The following ZNF37A variants were observed in gnomAD, a reference collection of about 807,000 sequenced individuals.
ZNF37A encodes the protein zinc finger protein 37a (KOX 21).
ZNF37A carries 10 observed loss-of-function variants against 12.3 expected under a neutral mutation model. The ratio of observed to expected loss-of-function variants is 0.82; its 90% CI spans 0.50 to 1.38. ZNF37A has a LOEUF of 1.38. Among genes scored for constraint, ZNF37A ranks in the 40% most tolerant of loss-of-function variants. The pLI, the probability that ZNF37A is intolerant of heterozygous loss-of-function variation, is 0.00. For missense variants in ZNF37A, 580 were observed against 651.2 expected (o/e 0.89, Z 1.19); for synonymous variants, 207 against 223.0 (o/e 0.93, Z 0.64).
rs2069778768 is a variant in ZNF37A, at chr10:38,122,706, T to G, written c.*3869T>G. The G allele has an allele frequency of 6.6e-6, 1 of 152,120 alleles. No individual in the cohort carries two copies. Among genetic ancestry groups the G allele is most frequent in the South Asian group, 2.1e-4 (1 of 4,822 alleles). 9.4% of individuals were successfully genotyped at this position (152,120 alleles called of 1,614,324 possible). ...TAATTAAAAAGTTAAATCTAAGACC[T>G]CAAACTATGAAACAGCTAAAAGAAA... On this transcript the variant is annotated 3_prime_UTR_variant, in exon 8 of 8. Transcript: ENST00000685332.
intron 5 of ZNF37A, among the ~76,000 whole-genome samples, chr10:38,105,812 A>AT (rs1246683356): frequency 2.0e-5 from 3 of 151,998 alleles, no homozygotes; most frequent in African/African-American, 2.4e-5. Flanking sequence ...TTGTTGGAGT[A>AT]TTTTTTTTAA....
In ZNF37A at chr10:38,119,135, A is replaced by C. The variant is rs530549658; in HGVS notation, c.*298A>C. The stretch of plus-strand genomic sequence containing the variant: ...ATTCACACGGGGTGAAACCTGGGTC[A>C]GCATCCCTAGGTTGAGAAGGGATGC... On this transcript the variant is annotated 3_prime_UTR_variant, in exon 8 of 8. Coordinates refer to ENST00000685332, the MANE Select transcript of ZNF37A (RefSeq NM_001324250.3). 9.3e-7 allele frequency: 1 copy of C among 1,071,974 alleles called. No individual in the cohort carries two copies. Among genetic ancestry groups the C allele is most frequent in the East Asian group, 6.9e-5 (1 of 14,472 alleles). 66.4% of individuals were successfully genotyped at this position (1,071,974 alleles called of 1,614,324 possible).
rs1491288789 is a variant in ZNF37A at position 38,115,115 on chromosome 10, G to GTC, written c.143-79_143-78insCT. 21 of 1,054,140 alleles carry GTC rather than the reference G, an allele frequency of 2.0e-5. No individual in the cohort carries two copies. The African/African-American group carries it at 3.7e-4, about 19-fold the overall frequency. 65.3% of individuals were successfully genotyped at this position (1,054,140 alleles called of 1,614,324 possible). On this transcript the variant is annotated intron_variant, in intron 6 of 7. Coordinates refer to ENST00000685332, the MANE Select transcript of ZNF37A (RefSeq NM_001324250.3). Reference sequence around the variant, plus strand: ...TGTGTGTGTGTGTGTGTGTGTGTGTGTACTGTTTGGGGTATACTGTCTTCC... The same window carrying GTC: ...TGTGTGTGTGTGTGTGTGTGTGTGTGTCTACTGTTTGGGGTATACTGTCTTCC...
At chr10:38,097,092 A>G (rs552271130) in intron 5 of ZNF37A, among the ~76,000 whole-genome samples, 1 of 152,346 alleles carries the variant, frequency 6.6e-6, no homozygotes, top group East Asian at 1.9e-4. Flanking sequence ...ATGTAAGTGA[A>G]TGCAGATCTT....
At chr10:38,128,799 G>A (rs1267639140), downstream of ZNF37A, among the ~76,000 whole-genome samples, 1 of 152,148 alleles carries the variant, frequency 6.6e-6, no homozygotes, top group Non-Finnish European at 1.5e-5. Context: ...TATCGCCCAG[G>A]CTGGAGTGCA....
chr10:38,103,861 A>T (rs2135911647), intron 5 of ZNF37A, among the ~76,000 whole-genome samples: 1 of 152,352 alleles, frequency 6.6e-6, no homozygotes, highest in South Asian at 2.1e-4. Flanking sequence ...AAAACAAAAC[A>T]AAAAACTCTT....
At chr10:38,126,980 A>G (rs74461088), downstream of ZNF37A, among the ~76,000 whole-genome samples, 1,991 of 152,252 alleles carry the variant, frequency 0.013, 43 homozygotes, top group African/African-American at 0.045. Flanking sequence ...AAAAACTTGG[A>G]CTTGTAGGGA....
intron 5 of ZNF37A, among the ~76,000 whole-genome samples, chr10:38,100,725 T>G (rs762353808): frequency 7.2e-5 from 11 of 152,200 alleles, no homozygotes; most frequent in Non-Finnish European, 1.5e-4. Context: ...AATTATCACA[T>G]GGTCCTCAGG....
At position 38,117,595 on chromosome 10, in the gene ZNF37A, C is replaced by T; in HGVS notation, c.444C>T (p.Tyr148=). The T allele has an allele frequency of 6.2e-7, 1 of 1,613,786 alleles. No homozygotes were observed. Among genetic ancestry groups the T allele is most frequent in the Non-Finnish European group, 8.5e-7 (1 of 1,179,930 alleles). The part of the protein sequence containing the change: ...KIKNWEQSFE[Y]NECGKAFPEN... ...AAAATTGGGAACAATCTTTTGAATA[C>T]AATGAATGTGGGAAAGCTTTCCCTG... Residue 148 remains tyrosine, a synonymous_variant, in exon 8 of 8, where the codon TAC becomes TAT. Coordinates refer to ENST00000685332, the MANE Select transcript of ZNF37A (RefSeq NM_001324250.3).
intron 5 of ZNF37A, among the ~76,000 whole-genome samples, chr10:38,106,412 A>C (rs974416984): frequency 6.6e-6 from 1 of 152,188 alleles, no homozygotes; most frequent in African/African-American, 2.4e-5. Context: ...AAGGCTGAAA[A>C]TTCCAAAAAC....
chr10:38,130,331 T>C (rs2070005144), downstream of ZNF37A, among the ~76,000 whole-genome samples: 1 of 152,240 alleles, frequency 6.6e-6, no homozygotes. Context: ...GATGTGCCTG[T>C]GTACAGTGAT....
At chr10:38,097,583 CAAAAAAAAAAAAAA>C (rs71007695) in intron 5 of ZNF37A, among the ~76,000 whole-genome samples, 28 of 61,942 alleles carry the variant, frequency 4.5e-4, no homozygotes, top group African/African-American at 8.9e-4. Flanking sequence ...GACTCTGTCT[CAAAAAAAAAAAAAA>C]AAAAAAAAAA....
exon 8 of ZNF37A, chr10:38,147,345 G>C (rs527755049): frequency 6.6e-6 from 1 of 152,186 alleles, no homozygotes; most frequent in African/African-American, 2.4e-5. Flanking sequence ...TTAAACCATC[G>C]TTTGGGTTTG....
rs1157197540 is a variant in ZNF37A, at chr10:38,117,562, G to A, written c.411G>A (p.Gln137=). The A allele has an allele frequency of 6.2e-7, 1 of 1,613,222 alleles. No individual in the cohort carries two copies. Among genetic ancestry groups the A allele is most frequent in the Non-Finnish European group, 8.5e-7 (1 of 1,179,798 alleles). ...FWLNEDLIWH[Q]KIKNWEQSFE... ...TGAATGAAGACCTCATTTGGCATCA[G>A]AAAATTAAAAATTGGGAACAATCTT... The change falls in exon 8 of 8, where the codon CAG becomes CAA. Residue 137 remains glutamine (Q), a synonymous_variant. Transcript: ENST00000685332.
chr10:38,098,570 A>AT (rs1247419602), intron 5 of ZNF37A, among the ~76,000 whole-genome samples: 1 of 152,036 alleles, frequency 6.6e-6, no homozygotes, highest in Admixed American at 6.6e-5. Flanking sequence ...TGAATGTAAG[A>AT]TTTTTTTCCC....
At chr10:38,103,572 G>A (rs1417384420) in intron 5 of ZNF37A, among the ~76,000 whole-genome samples, 1 of 151,914 alleles carries the variant, frequency 6.6e-6, no homozygotes, top group East Asian at 1.9e-4. Flanking sequence ...TCTTTTTTCT[G>A]TGTGTCTGTG....
rs146200478 is a variant in ZNF37A at position 38,118,580 on chromosome 10, C to T, written c.1429C>T (p.Arg477Cys). 40 of 1,605,044 alleles carry T rather than the reference C, an allele frequency of 2.5e-5. 1 individual carries two copies. The African/African-American group carries it at 3.1e-4, about 12-fold the overall frequency. ...FGCNECGKTF[R>C]QKSALIVHQR... Reference sequence around the variant, plus strand: ...ATGTAATGAATGTGGGAAAACCTTCCGTCAGAAGTCAGCCCTAATTGTTCA... The same window carrying T: ...ATGTAATGAATGTGGGAAAACCTTCTGTCAGAAGTCAGCCCTAATTGTTCA... Residue 477 changes from arginine to cysteine, a missense_variant, in exon 8 of 8, where the codon CGT (arginine) becomes TGT (cysteine). Physicochemically the swap from Arg to Cys is radical, Grantham distance 180. Transcript: ENST00000685332.
chr10:38,111,943 C>T (rs149177403), intron 5 of ZNF37A, among the ~76,000 whole-genome samples: 6,320 of 149,948 alleles, frequency 0.042, 190 homozygotes, highest in Non-Finnish European at 0.06. Context: ...CGGAGTCTCA[C>T]TTTGCCACCC....
At chr10:38,142,450 A>C (rs994306666) in intron 7 of ZNF37A, 2 of 152,206 alleles carry the variant, frequency 1.3e-5, no homozygotes, top group Non-Finnish European at 2.9e-5. Flanking sequence ...ACATAGATCC[A>C]AGCTTATATT....
Sources: allele counts gnomAD v4.1 joint callset (sites outside exome capture counted in the v4.1 genomes callset), GRCh38; gene constraint gnomAD v4.1.1; transcripts MANE v1.5; gene names NCBI Gene and HGNC (gene_info 2026-07-23, HGNC 2026-07-21).